FLI1: variants seen among roughly 807,000 people sequenced by gnomAD.
The protein encoded by FLI1 is Fli-1 proto-oncogene, ETS transcription factor.
A neutral mutation model predicts 53.1 loss-of-function variants in FLI1; 13 were observed. The ratio of observed to expected loss-of-function variants is 0.24; its 90% CI spans 0.16 to 0.39. FLI1 has a LOEUF of 0.39. FLI1 is among the 10% of genes least tolerant of loss of function. FLI1 has a pLI of 1.00. For missense variants in FLI1, 424 were observed against 600.5 expected (o/e 0.71, Z 3.07); for synonymous variants, 244 against 236.7 (o/e 1.03, Z -0.28).
At chr11:128,710,211 G>A (rs1002986290) in intron 1 of FLI1, among the ~76,000 whole-genome samples, 3 of 152,098 alleles carry the variant, frequency 2.0e-5, no homozygotes, top group African/African-American at 7.2e-5. Context: ...GAGAACATTT[G>A]CCCATATTCT....
At chr11:128,694,686 C>T (rs1393978769) in intron 1 of FLI1, among the ~76,000 whole-genome samples, 3 of 152,168 alleles carry the variant, frequency 2.0e-5, no homozygotes, top group African/African-American at 7.2e-5. Context: ...TTCCTCTCCG[C>T]AGAGGCGGAA....
intron 1 of FLI1, among the ~76,000 whole-genome samples, chr11:128,745,565 G>A (rs1225352238): frequency 6.6e-6 from 1 of 152,206 alleles, no homozygotes; most frequent in Non-Finnish European, 1.5e-5. Flanking sequence ...CACCAAGCAT[G>A]GCTCAGCCGT....
intron 5 of FLI1, among the ~76,000 whole-genome samples, chr11:128,792,186 G>A (rs1403904259): frequency 6.6e-6 from 1 of 152,198 alleles, no homozygotes; most frequent in Non-Finnish European, 1.5e-5. Flanking sequence ...AACAGAAACA[G>A]AAGAGAGCCT....
chr11:128,808,727 TTA>T (rs199655726), intron 7 of FLI1, among the ~76,000 whole-genome samples: 17 of 76,582 alleles, frequency 2.2e-4, no homozygotes, highest in Non-Finnish European at 6.8e-4. Flanking sequence ...CATGCTACAT[TTA>T]AAAAAAAAAA....
intron 1 of FLI1, among the ~76,000 whole-genome samples, chr11:128,728,920 A>G (rs182572235): frequency 1.1e-3 from 173 of 152,312 alleles, no homozygotes; most frequent in African/African-American, 3.8e-3. Flanking sequence ...CTCTACTCCA[A>G]CCGCCAGAGA....
chr11:128,802,290 T>C (rs1474205308), intron 5 of FLI1, among the ~76,000 whole-genome samples: 2 of 152,154 alleles, frequency 1.3e-5, no homozygotes, highest in African/African-American at 4.8e-5. Context: ...TGACCAGACG[T>C]CTCCTCGAGC....
intron 1 of FLI1, among the ~76,000 whole-genome samples, chr11:128,748,597 C>T (rs1046219972): frequency 6.6e-6 from 1 of 151,746 alleles, no homozygotes; most frequent in Non-Finnish European, 1.5e-5. Flanking sequence ...CGCGCCTCTG[C>T]ACTCCAGCCT....
In FLI1 at chr11:128,811,118, CTTTGTA is replaced by C; in HGVS notation, c.*136_*141del. On this transcript the variant is annotated 3_prime_UTR_variant, in exon 9 of 9. Coordinates refer to ENST00000527786, the MANE Select transcript of FLI1 (RefSeq NM_002017.5). ...GATGTTCTTTCTTGTTGGATAGAACCTTTGTATTTGTTCTTTAAAAACATTTTTTTT... is the reference window on the plus strand; with the variant it reads ...GATGTTCTTTCTTGTTGGATAGAACCTTTGTTCTTTAAAAACATTTTTTTT... 1 of 896,616 alleles carries C rather than the reference CTTTGTA, an allele frequency of 1.1e-6. No individual in the cohort carries two copies. The highest frequency in any genetic ancestry group is 1.7e-5 in the African/African-American group (1 of 59,466). The allele number at this position is 896,616 out of a possible 1,614,324, so 55.5% of individuals were successfully genotyped here.
At chr11:128,739,762 G>C (rs1940057740) in intron 1 of FLI1, among the ~76,000 whole-genome samples, 1 of 152,174 alleles carries the variant, frequency 6.6e-6, no homozygotes, top group Admixed American at 6.5e-5. Context: ...CTACAGTTAT[G>C]AATGGAGCTC....
At chr11:128,698,731 T>A (rs201069057) in intron 1 of FLI1, among the ~76,000 whole-genome samples, 1 of 112,582 alleles carries the variant, frequency 8.9e-6, no homozygotes, top group Non-Finnish European at 2.0e-5. Context: ...TGTGTGTGTG[T>A]GTGAGAGAGA....
intron 1 of FLI1, among the ~76,000 whole-genome samples, chr11:128,757,016 G>A (rs117786044): frequency 0.027 from 4,027 of 151,758 alleles, 82 homozygotes; most frequent in Non-Finnish European, 0.041. Context: ...CCAAGTAGCT[G>A]GGCACATGCC....
At chr11:128,711,755 G>C (rs1444308042) in intron 1 of FLI1, among the ~76,000 whole-genome samples, 1 of 152,160 alleles carries the variant, frequency 6.6e-6, no homozygotes, top group East Asian at 1.9e-4. Flanking sequence ...ATGCCACCAT[G>C]AAAATATGAT....
chr11:128,768,134 T>C lies in FLI1; in HGVS notation c.247T>C (p.Cys83Arg), dbSNP rs763860996. ...MNGSRESPVDCSVSKCSKLVG... is the reference protein window; with the variant it reads ...MNGSRESPVDRSVSKCSKLVG... ...TCACTTTAGGGAGTCTCCGGTGGAC[T>C]GCAGCGTTAGCAAATGCAGCAAGCT... The change falls in exon 3 of 9, where the codon TGC (cysteine) becomes CGC (arginine). Residue 83 changes from cysteine (C) to arginine (R), a missense_variant. Physicochemically the swap from Cys to Arg is radical, Grantham distance 180. Coordinates refer to ENST00000527786, the MANE Select transcript of FLI1 (RefSeq NM_002017.5). 2 of 1,613,296 alleles carry C rather than the reference T, an allele frequency of 1.2e-6. No individual in the cohort carries two copies.
chr11:128,730,949 CA>C (rs1328285259), intron 1 of FLI1, among the ~76,000 whole-genome samples: 3 of 152,172 alleles, frequency 2.0e-5, no homozygotes, highest in Non-Finnish European at 4.4e-5. Context: ...ATGAAGAAAC[CA>C]AAAGGTGTAA....
intron 3 of FLI1, among the ~76,000 whole-genome samples, chr11:128,770,518 A>G (rs1162471499): frequency 6.6e-6 from 1 of 152,236 alleles, no homozygotes; most frequent in South Asian, 2.1e-4. Context: ...ATGGGAAGAA[A>G]CTAGGACTAA....
At chr11:128,720,614 C>A (rs1939213107) in intron 1 of FLI1, among the ~76,000 whole-genome samples, 1 of 152,212 alleles carries the variant, frequency 6.6e-6, no homozygotes, top group Non-Finnish European at 1.5e-5. Context: ...GATCTGATAG[C>A]ACAAAGACAC....
chr11:128,804,282 T>G (rs1942715912), intron 5 of FLI1: 1 of 152,256 alleles, frequency 6.6e-6, no homozygotes, highest in Admixed American at 6.5e-5. Flanking sequence ...TGTTGTTTGA[T>G]GAGGTTTGTG....
chr11:128,788,960 G>A (rs557015620), intron 5 of FLI1, among the ~76,000 whole-genome samples: 14 of 152,316 alleles, frequency 9.2e-5, no homozygotes, highest in Non-Finnish European at 1.8e-4. Flanking sequence ...GAACTACTGT[G>A]CTTTAGAGTG....
chr11:128,738,014 G>C (rs11819772), intron 1 of FLI1, among the ~76,000 whole-genome samples: 10,261 of 152,190 alleles, frequency 0.067, 1,143 homozygotes, highest in African/African-American at 0.23. Flanking sequence ...TCAACAAGAC[G>C]AGGTTCTACC....
Sources: gnomAD v4.1 joint callset for allele counts (sites outside exome capture counted in the v4.1 genomes callset) on GRCh38, gnomAD v4.1.1 for gene constraint, MANE v1.5 for transcripts, NCBI Gene and HGNC (gene_info 2026-07-23, HGNC 2026-07-21) for gene names.